PRDM5: variants seen among roughly 807,000 people sequenced by gnomAD.
PRDM5 encodes the protein PR domain zinc finger protein 5.
In PRDM5, 56 loss-of-function variants were observed where a neutral mutation model predicts 81.2. That is an observed-to-expected ratio of 0.69 (90% CI 0.56 to 0.86). The LOEUF is 0.86. PRDM5 is among the 40% of genes least tolerant of loss of function. PRDM5 has a pLI of 0.00. For missense variants in PRDM5, 697 were observed against 770.1 expected, an observed-to-expected ratio of 0.91 and a Z score of 1.12; for synonymous variants, 267 against 256.4, an observed-to-expected ratio of 1.04 and a Z score of -0.39.
chr4:120,755,093 TGTGA>T (rs1472779748), intron 13 of PRDM5, among the ~76,000 whole-genome samples: 2 of 152,236 alleles, frequency 1.3e-5, no homozygotes, highest in African/African-American at 4.8e-5. Flanking sequence ...CAGTTAAGGC[TGTGA>T]GTTTCAAAAG....
chr4:120,741,378 C>A (rs1358617612), intron 14 of PRDM5, among the ~76,000 whole-genome samples: 2 of 151,800 alleles, frequency 1.3e-5, no homozygotes, highest in African/African-American at 4.8e-5. Flanking sequence ...CATGGTTCAT[C>A]AGCTTGATGT....
At chr4:120,717,869 C>T (rs1258697719) in intron 14 of PRDM5, among the ~76,000 whole-genome samples, 1 of 152,174 alleles carries the variant, frequency 6.6e-6, no homozygotes, top group Non-Finnish European at 1.5e-5. Context: ...TGAGCTCTTT[C>T]TCTTATAGTC....
chr4:120,770,849 G>A (rs1410362249), intron 13 of PRDM5, among the ~76,000 whole-genome samples: 1 of 151,804 alleles, frequency 6.6e-6, no homozygotes, highest in Admixed American at 6.6e-5. Context: ...TATTATTCAA[G>A]AGAAATTATT....
chr4:120,821,102 A>ACC, intron 4 of PRDM5, 69 bp downstream of exon 4: 2 of 1,524,912 alleles, frequency 1.3e-6, no homozygotes, highest in Non-Finnish European at 1.8e-6. Context: ...CTATAATTCA[A>ACC]CCACAGTTTA....
In PRDM5 at chr4:120,799,626, G is replaced by T. The variant is rs1511310; in HGVS notation, c.1030+35C>A. The T allele has an allele frequency of 0.039, 62,398 of 1,604,132 alleles. 4,059 individuals are homozygous for T. Among genetic ancestry groups the T allele is most frequent in the African/African-American group, 0.3 (22,037 of 74,438 alleles). On this transcript the variant is annotated intron_variant, in intron 9 of 15. Transcript: ENST00000264808. ...AGTGACAATGTAATTTTTTTGTAAT[G>T]ATATCACTATAAACAAAAAAAGTAT...
intron 15 of PRDM5, among the ~76,000 whole-genome samples, chr4:120,706,688 G>T (rs59315146): frequency 1.5e-5 from 1 of 65,034 alleles, no homozygotes; most frequent in Non-Finnish European, 3.3e-5. Flanking sequence ...GATGAGTAAC[G>T]TGTCATTTGG....
chr4:120,715,241 C>CT (rs980676499), intron 14 of PRDM5, among the ~76,000 whole-genome samples: 4 of 152,106 alleles, frequency 2.6e-5, no homozygotes, highest in Non-Finnish European at 5.9e-5. Flanking sequence ...GCTATCATTA[C>CT]TTTTTTTACA....
chr4:120,891,607 T>C (rs1000953519), intron 2 of PRDM5, among the ~76,000 whole-genome samples: 2 of 152,164 alleles, frequency 1.3e-5, no homozygotes, highest in African/African-American at 4.8e-5. Context: ...CTCTAGTTTT[T>C]CTAGATGTGA....
chr4:120,778,660 T>G (rs1422098082), intron 12 of PRDM5, among the ~76,000 whole-genome samples: 1 of 152,140 alleles, frequency 6.6e-6, no homozygotes, highest in Non-Finnish European at 1.5e-5. Context: ...TTGAAACAAT[T>G]TATATTATAC....
At chr4:120,918,453 A>G (rs1724474717) in intron 1 of PRDM5, among the ~76,000 whole-genome samples, 1 of 152,196 alleles carries the variant, frequency 6.6e-6, no homozygotes, top group African/African-American at 2.4e-5. Flanking sequence ...ACCTTATCCC[A>G]CAAAGTCTGC....
chr4:120,747,785 A>T (rs1403698935), intron 14 of PRDM5, among the ~76,000 whole-genome samples: 1 of 152,242 alleles, frequency 6.6e-6, no homozygotes, highest in Non-Finnish European at 1.5e-5. Flanking sequence ...TGTAAGAACT[A>T]ATTTGGCTGT....
chr4:120,708,066 T>G (rs1314108162), intron 15 of PRDM5, among the ~76,000 whole-genome samples: 1 of 152,074 alleles, frequency 6.6e-6, no homozygotes, highest in African/African-American at 2.4e-5. Context: ...TGTAAAATGG[T>G]GTCGCTCCTA....
chr4:120,751,069 G>T (rs374582232), intron 14 of PRDM5, among the ~76,000 whole-genome samples: 2 of 151,966 alleles, frequency 1.3e-5, no homozygotes, highest in Non-Finnish European at 2.9e-5. Flanking sequence ...AGTCTTACAG[G>T]GTCTTACCCT....
rs1761818041 is a variant in PRDM5 at position 120,871,757 on chromosome 4, C to A, written c.178-18217G>T. 3.0e-5 allele frequency among the ~76,000 whole-genome samples: 4 copies of A among 133,144 alleles called. No individual in the cohort carries two copies. In the South Asian group the frequency reaches 9.2e-4, roughly 31 times the overall value. The allele number at this position is 133,144 out of a possible 152,430, so 87.3% of individuals were successfully genotyped here. On this transcript the variant is annotated intron_variant, in intron 2 of 15. Coordinates refer to ENST00000264808, the MANE Select transcript of PRDM5 (RefSeq NM_018699.4). ...CGATCCTTCAAATACATTAGGGTGG[C>A]TACTGTTTCAAAAAAAAAAAAAAGA... is the stretch of plus-strand genomic sequence containing the variant.
intron 1 of PRDM5, among the ~76,000 whole-genome samples, chr4:120,918,056 C>T (rs1006219949): frequency 1.3e-5 from 2 of 152,074 alleles, no homozygotes; most frequent in African/African-American, 2.4e-5. Flanking sequence ...CTCTGTCACT[C>T]GCTTTTCTGC....
At chr4:120,758,954 A>G (rs1363210708) in intron 13 of PRDM5, among the ~76,000 whole-genome samples, 1 of 151,842 alleles carries the variant, frequency 6.6e-6, no homozygotes, top group East Asian at 1.9e-4. Flanking sequence ...ATGGGGTTTC[A>G]CCTTGTTAGC....
intron 2 of PRDM5, among the ~76,000 whole-genome samples, chr4:120,879,852 C>G (rs560546057): frequency 1.3e-5 from 2 of 152,036 alleles, no homozygotes; most frequent in South Asian, 4.2e-4. Flanking sequence ...AAATCAATGA[C>G]TGCTGGGCAC....
intron 3 of PRDM5, among the ~76,000 whole-genome samples, chr4:120,845,959 G>A (rs1758609465): frequency 6.6e-6 from 1 of 152,206 alleles, no homozygotes; most frequent in Non-Finnish European, 1.5e-5. Flanking sequence ...CTGCAGATGT[G>A]ATGGAAATAC....
intron 11 of PRDM5, among the ~76,000 whole-genome samples, chr4:120,783,708 C>A (rs748486079): frequency 5.9e-5 from 9 of 152,044 alleles, no homozygotes; most frequent in Non-Finnish European, 1.2e-4. Context: ...ACACATAATT[C>A]TTTTTAATAA....
Sources: gnomAD v4.1 joint callset for allele counts (sites outside exome capture counted in the v4.1 genomes callset) on GRCh38, gnomAD v4.1.1 for gene constraint, MANE v1.5 for transcripts, NCBI Gene and HGNC (gene_info 2026-07-23, HGNC 2026-07-21) for gene names.